The following TULP4 variants were observed in gnomAD, a reference collection of about 807,000 sequenced individuals.
TULP4 encodes the protein TUB like protein 4, also known as tubby-related protein 4.
TULP4 carries 16 observed loss-of-function variants against 129.0 expected under a neutral mutation model. That is an observed-to-expected ratio of 0.12 (90% CI 0.08 to 0.19). TULP4 has a LOEUF of 0.19. Among genes scored for constraint, TULP4 ranks in the 10% least tolerant of loss-of-function variants. TULP4 has a pLI of 1.00. For synonymous variants in TULP4, 998 were observed against 854.0 expected (o/e 1.17, Z -2.94); for missense variants, 1,842 against 2,059.1 (o/e 0.89, Z 2.04).
intron 2 of TULP4, among the ~76,000 whole-genome samples, chr6:158,422,530 G>C (rs1438245563): frequency 6.6e-6 from 1 of 152,190 alleles, no homozygotes; most frequent in Non-Finnish European, 1.5e-5. Context: ...TCTCAGGCCA[G>C]TTTAGACAAA....
At chr6:158,314,545 G>A (rs952175966) in intron 1 of TULP4, among the ~76,000 whole-genome samples, 8 of 152,272 alleles carry the variant, frequency 5.3e-5, no homozygotes, top group African/African-American at 1.9e-4. Context: ...GTGGGAAGAC[G>A]CCCAGCAGTA....
intron 1 of TULP4, among the ~76,000 whole-genome samples, chr6:158,271,027 A>G (rs1214704546): frequency 2.0e-5 from 3 of 151,896 alleles, no homozygotes; most frequent in African/African-American, 7.3e-5. Flanking sequence ...GCAGGTGCCT[A>G]TAATCCCAGA....
At chr6:158,468,349 A>G (rs1779599526) in intron 6 of TULP4, among the ~76,000 whole-genome samples, 1 of 152,254 alleles carries the variant, frequency 6.6e-6, no homozygotes, top group Non-Finnish European at 1.5e-5. Context: ...GCCTTCAGCC[A>G]GATAAATTAC....
chr6:158,248,718 G>GGTAACAGAGC (rs1210884921), intron 1 of TULP4, among the ~76,000 whole-genome samples: 1 of 151,764 alleles, frequency 6.6e-6, no homozygotes, highest in Non-Finnish European at 1.5e-5. Flanking sequence ...CTCTAGCCTG[G>GGTAACAGAGC]GTAACAGAGC....
intron 1 of TULP4, among the ~76,000 whole-genome samples, chr6:158,386,487 A>G (rs1206013369): frequency 2.0e-5 from 3 of 152,216 alleles, no homozygotes; most frequent in Non-Finnish European, 4.4e-5. Flanking sequence ...TAAAACTTGC[A>G]TAAGGTGCTA....
At chr6:158,252,769 G>T (rs1020139440) in intron 1 of TULP4, among the ~76,000 whole-genome samples, 6 of 152,182 alleles carry the variant, frequency 3.9e-5, no homozygotes, top group African/African-American at 1.2e-4. Context: ...GATTTTGCCA[G>T]TTTTTTCTTT....
intron 1 of TULP4, among the ~76,000 whole-genome samples, chr6:158,251,677 G>A (rs1471723511): frequency 6.6e-6 from 1 of 152,164 alleles, no homozygotes; most frequent in Non-Finnish European, 1.5e-5. Flanking sequence ...CCAGGTAAAT[G>A]GGGCTTCAGG....
At chr6:158,383,074 A>AGG (rs2114920298) in intron 1 of TULP4, among the ~76,000 whole-genome samples, 1 of 152,284 alleles carries the variant, frequency 6.6e-6, no homozygotes, top group African/African-American at 2.4e-5. Flanking sequence ...CAGTCTGACA[A>AGG]ATTTTGTTGA....
At position 158,388,316 on chromosome 6, in the gene TULP4, G is replaced by GTTTTTTTTTTTT. The variant is rs1377926300; in HGVS notation, c.253-24744_253-24743insTTTTTTTTTTTT. The stretch of plus-strand genomic sequence containing the variant: ...TTGTTTAAAGAAAAATAATCTGCTC[G>GTTTTTTTTTTTT]TTTTTCTTTTTTTTTTTTTTTTTTT... On this transcript the variant is annotated intron_variant, in intron 1 of 13. Transcript: ENST00000367097. Among the ~76,000 whole-genome samples the GTTTTTTTTTTTT allele has an allele frequency of 1.3e-4, 12 of 92,844 alleles. 1 individual carries two copies. Among genetic ancestry groups the GTTTTTTTTTTTT allele is most frequent in the Non-Finnish European group, 1.7e-4 (8 of 48,072 alleles). The allele number at this position is 92,844 out of a possible 152,430, so 60.9% of individuals were successfully genotyped here.
intron 3 of TULP4, among the ~76,000 whole-genome samples, chr6:158,442,779 G>A (rs535331672): frequency 6.6e-6 from 1 of 151,018 alleles, no homozygotes; most frequent in African/African-American, 2.4e-5. Context: ...TCAGTTACTT[G>A]TGTACCGTTC....
intron 1 of TULP4, chr6:158,237,929 C>A (rs368817654): frequency 1.2e-5 from 9 of 728,842 alleles, no homozygotes; most frequent in South Asian, 6.8e-5. Context: ...CATAGCTGTT[C>A]TAGGTCACTA....
At chr6:158,242,027 C>T (rs1399382847) in intron 1 of TULP4, 2 of 801,908 alleles carry the variant, frequency 2.5e-6, no homozygotes, top group Admixed American at 1.7e-5. Flanking sequence ...ATGTTATTTG[C>T]AATTACATCT....
rs1779616997 is a variant in TULP4, at chr6:158,469,157, A to G, written c.1026+7428A>G. On this transcript the variant is annotated intron_variant, in intron 6 of 13. Transcript: ENST00000367097. ...ATCTCAGTAAGACGGAATCAGGACA[A>G]AAATCCAGAACGGTGAAAATAGAGT... Among the ~76,000 whole-genome samples the G allele has an allele frequency of 2.0e-5, 3 of 152,344 alleles. No individual in the cohort carries two copies. The South Asian group carries it at 6.2e-4, about 32-fold the overall frequency.
Position 158,314,222 on chromosome 6 carries a change from G to C in TULP4, c.206G>C (p.Ser69Thr), listed in dbSNP as rs202231886. 6.2e-7 allele frequency: 1 copy of C among 1,614,046 alleles called. No homozygotes were observed. The highest frequency in any genetic ancestry group is 1.3e-5 in the African/African-American group (1 of 74,930). ...FTSSHCRRDR[S>T]TPQRINFNLR... ...TCTAGTCACTGTCGCAGGGACAGGA[G>C]TACTCCACAGAGGATAAATTTCAAC... Residue 69 changes from serine to threonine, a missense_variant, in exon 1 of 14, where the codon AGT becomes ACT. By Grantham distance (58) the Ser-to-Thr change is moderately conservative (BLOSUM62 1). Transcript: ENST00000367097.
chr6:158,492,442 TTTCATCTTTG>T lies in TULP4; in HGVS notation c.1632-1127_1632-1118del, dbSNP rs1780237401. On this transcript the variant is annotated intron_variant, in intron 9 of 13. Coordinates refer to ENST00000367097, the MANE Select transcript of TULP4 (RefSeq NM_020245.5). ...CTCTAGCAATCTGATTGATGTCTTTTTTCATCTTTGTTCCAGAGCTTGTTAAAATTGCATG... is the reference window on the plus strand; with the variant it reads ...CTCTAGCAATCTGATTGATGTCTTTTTTCCAGAGCTTGTTAAAATTGCATG... Among the ~76,000 whole-genome samples, 18 of 152,366 alleles carry T rather than the reference TTTCATCTTTG, an allele frequency of 1.2e-4. No individual in the cohort carries two copies. In the South Asian group the frequency reaches 3.7e-3, roughly 32 times the overall value.
intron 3 of TULP4, among the ~76,000 whole-genome samples, chr6:158,444,022 A>T (rs891834766): frequency 6.6e-6 from 1 of 151,854 alleles, no homozygotes; most frequent in Non-Finnish European, 1.5e-5. Context: ...GATTGAGACC[A>T]TCCTGGCTAA....
chr6:158,507,331 G>T lies in TULP4; in HGVS notation c.*637G>T, dbSNP rs1177455269. The T allele has an allele frequency of 6.5e-6, 1 of 153,872 alleles. No homozygotes were observed. The highest frequency in any genetic ancestry group is 1.4e-5 in the Non-Finnish European group (1 of 69,204). 9.5% of individuals were successfully genotyped at this position (153,872 alleles called of 1,614,324 possible). On this transcript the variant is annotated 3_prime_UTR_variant, in exon 14 of 14. Transcript: ENST00000367097. ...TTGCTCACTGAGGATGTTGGGGAAG[G>T]GACGAAGGGTAAAGAAGAAACTGCA...
chr6:158,392,813 T>TTTTTTTTC, intron 1 of TULP4, among the ~76,000 whole-genome samples: 1 of 120,998 alleles, frequency 8.3e-6, no homozygotes, highest in African/African-American at 3.3e-5. Context: ...TTTTTTTTTT[T>TTTTTTTTC]TTTTTTGAGA....
chr6:158,500,838 G>A (rs1244176766), intron 12 of TULP4, among the ~76,000 whole-genome samples: 2 of 152,248 alleles, frequency 1.3e-5, no homozygotes, highest in African/African-American at 4.8e-5. Flanking sequence ...GGCGAGGTGG[G>A]TGGATCACCT....
Sources: gnomAD v4.1 joint callset for allele counts (sites outside exome capture counted in the v4.1 genomes callset) on GRCh38, gnomAD v4.1.1 for gene constraint, MANE v1.5 for transcripts, NCBI Gene and HGNC (gene_info 2026-07-23, HGNC 2026-07-21) for gene names.